The following CSNK1G3 variants were observed in gnomAD, a reference collection of about 807,000 sequenced individuals.
CSNK1G3 encodes casein kinase 1 gamma 3, also known as casein kinase I isoform gamma-3.
In CSNK1G3, 23 loss-of-function variants were observed where a neutral mutation model predicts 64.3. That is an observed-to-expected ratio of 0.36 (90% CI 0.26 to 0.51). The LOEUF (loss-of-function observed/expected upper bound fraction) is 0.51. Among genes scored for constraint, CSNK1G3 ranks in the 20% least tolerant of loss-of-function variants. The pLI, the probability that CSNK1G3 is intolerant of heterozygous loss-of-function variation, is 0.96. For synonymous variants in CSNK1G3, 158 were observed against 162.2 expected (o/e 0.97, Z 0.20); for missense variants, 357 against 510.5 (o/e 0.70, Z 2.90).
chr5:123,588,587 A>C, intron 8 of CSNK1G3, 76 bp downstream of exon 8: 4 of 952,132 alleles, frequency 4.2e-6, no homozygotes, highest in Non-Finnish European at 6.5e-6. Flanking sequence ...AAGTTTATAC[A>C]TATTTTTTTC....
At chr5:123,600,132 T>C (rs1450350002) in intron 10 of CSNK1G3, among the ~76,000 whole-genome samples, 1 of 152,190 alleles carries the variant, frequency 6.6e-6, no homozygotes, top group African/African-American at 2.4e-5. Flanking sequence ...AAGTCACTCT[T>C]TTAACTGTTA....
At chr5:123,559,254 G>GA (rs11337996) in intron 4 of CSNK1G3, among the ~76,000 whole-genome samples, 11 of 149,928 alleles carry the variant, frequency 7.3e-5, no homozygotes, top group East Asian at 2.0e-4. Context: ...CCACGGTGAT[G>GA]AAAAAAAAAA....
At chr5:123,519,063 T>A (rs1243531092) in intron 1 of CSNK1G3, among the ~76,000 whole-genome samples, 2 of 150,514 alleles carry the variant, frequency 1.3e-5, no homozygotes, top group East Asian at 3.9e-4. Flanking sequence ...GCTGGCAAGT[T>A]ACTTTTTGAG....
At chr5:123,588,184 T>C in intron 7 of CSNK1G3, 31 bp downstream of exon 7, 9 of 1,437,240 alleles carry the variant, frequency 6.3e-6, no homozygotes, top group Non-Finnish European at 8.8e-6. Flanking sequence ...TTATTGAATT[T>C]CATAAAATAT....
intron 1 of CSNK1G3, among the ~76,000 whole-genome samples, chr5:123,526,078 C>G (rs1022777887): frequency 6.6e-6 from 1 of 151,916 alleles, no homozygotes; most frequent in Non-Finnish European, 1.5e-5. Flanking sequence ...CACTCTGTTG[C>G]CCAGGCTGGG....
intron 4 of CSNK1G3, among the ~76,000 whole-genome samples, chr5:123,558,484 GA>G (rs1435268913): frequency 6.6e-6 from 1 of 152,090 alleles, no homozygotes; most frequent in Non-Finnish European, 1.5e-5. Context: ...TGTTTCTCCA[GA>G]TTTAATAAAA....
chr5:123,606,207 T>C (rs1795339303), intron 12 of CSNK1G3, among the ~76,000 whole-genome samples: 1 of 152,124 alleles, frequency 6.6e-6, no homozygotes, highest in Admixed American at 6.6e-5. Context: ...CTTTTGACTA[T>C]AGAATTTATT....
chr5:123,525,913 G>C (rs1407780830), intron 1 of CSNK1G3, among the ~76,000 whole-genome samples: 2 of 151,120 alleles, frequency 1.3e-5, no homozygotes, highest in African/African-American at 4.9e-5. Context: ...CAGGAGAACG[G>C]CATGAACCTG....
At chr5:123,587,475 C>A (rs1375132587) in intron 6 of CSNK1G3, among the ~76,000 whole-genome samples, 2 of 152,138 alleles carry the variant, frequency 1.3e-5, no homozygotes, top group African/African-American at 4.8e-5. Flanking sequence ...CATTTTGTTA[C>A]AACAACAACT....
At chr5:123,547,638 C>T (rs1470530119) in intron 2 of CSNK1G3, among the ~76,000 whole-genome samples, 1 of 152,006 alleles carries the variant, frequency 6.6e-6, no homozygotes, top group Non-Finnish European at 1.5e-5. Context: ...CTTCTTAGTA[C>T]ATCTGTCTGT....
intron 3 of CSNK1G3, among the ~76,000 whole-genome samples, chr5:123,553,392 T>C (rs1049943714): frequency 2.0e-5 from 3 of 152,198 alleles, no homozygotes; most frequent in African/African-American, 4.8e-5. Context: ...TTGGCAGCAT[T>C]GTAGAACTGG....
At chr5:123,566,658 TA>T (rs1258737833) in intron 4 of CSNK1G3, among the ~76,000 whole-genome samples, 1 of 152,172 alleles carries the variant, frequency 6.6e-6, no homozygotes, top group Non-Finnish European at 1.5e-5. Context: ...TCTTAACTCT[TA>T]AAAATTTAAG....
intron 6 of CSNK1G3, among the ~76,000 whole-genome samples, chr5:123,580,772 A>G (rs797009328): frequency 3.2e-4 from 49 of 152,074 alleles, no homozygotes; most frequent in African/African-American, 1.2e-3. Flanking sequence ...TAAGTAAATA[A>G]TGTCTATTTC....
At chr5:123,604,678 A>G (rs763610534) in intron 10 of CSNK1G3, 46 bp from the exon 12 acceptor site, 19 of 926,696 alleles carry the variant, frequency 2.1e-5, no homozygotes, top group Non-Finnish European at 3.1e-5. Flanking sequence ...ATTTATGAGC[A>G]TGTGTGTGTA....
chr5:123,561,118 C>T (rs1482934228), intron 4 of CSNK1G3, among the ~76,000 whole-genome samples: 4 of 152,188 alleles, frequency 2.6e-5, no homozygotes, highest in African/African-American at 4.8e-5. Flanking sequence ...CTTTATGTAG[C>T]TTCTCTGACA....
rs188562598 is a variant in CSNK1G3 at position 123,567,811 on chromosome 5, T to C, written c.290-5582T>C. On this transcript the variant is annotated intron_variant, in intron 4 of 12. Transcript: ENST00000345990. ...TTGTGGGCTGTGAATTTTAAATCAT[T>C]ATGACTGGTCTCAAGCACATCTTTA... Among the ~76,000 whole-genome samples, 234 of 152,298 alleles carry C rather than the reference T, an allele frequency of 1.5e-3. 2 individuals are homozygous for C. The highest frequency in any genetic ancestry group is 5.5e-3 in the African/African-American group (228 of 41,564).
At chr5:123,541,112 C>T (rs1191259548) in intron 1 of CSNK1G3, among the ~76,000 whole-genome samples, 3 of 152,182 alleles carry the variant, frequency 2.0e-5, no homozygotes, top group Non-Finnish European at 4.4e-5. Context: ...CTACCATATA[C>T]ATACTGATAT....
At chr5:123,517,812 T>C (rs189811783) in intron 1 of CSNK1G3, among the ~76,000 whole-genome samples, 1 of 152,256 alleles carries the variant, frequency 6.6e-6, no homozygotes, top group Non-Finnish European at 1.5e-5. Flanking sequence ...GATTTCCTTT[T>C]TAGGCTAACT....
chr5:123,521,897 T>C (rs1381193366), intron 1 of CSNK1G3, among the ~76,000 whole-genome samples: 1 of 152,192 alleles, frequency 6.6e-6, no homozygotes, highest in African/African-American at 2.4e-5. Context: ...CTACCCATGC[T>C]AATTTATATT....
Sources: gnomAD v4.1 joint callset for allele counts (sites outside exome capture counted in the v4.1 genomes callset) on GRCh38, gnomAD v4.1.1 for gene constraint, MANE v1.5 for transcripts, NCBI Gene and HGNC (gene_info 2026-07-23, HGNC 2026-07-21) for gene names.